Variants in ARR3 observed in about 807,000 individuals in gnomAD.
ARR3 encodes arrestin 3, also known as arrestin-C.
Under a neutral mutation model 35.4 loss-of-function variants are expected in ARR3, and 14 were observed. That is an observed-to-expected ratio of 0.40 (90% CI 0.26 to 0.62). The LOEUF (loss-of-function observed/expected upper bound fraction) is 0.62, where lower values mean the gene tolerates loss of function less well. Among genes scored for constraint, ARR3 ranks in the 20% least tolerant of loss-of-function variants. The pLI, the probability that ARR3 is intolerant of heterozygous loss-of-function variation, is 0.46. For missense variants in ARR3, 259 were observed against 303.8 expected (o/e 0.85, Z 1.10); for synonymous variants, 97 against 119.1 (o/e 0.81, Z 1.21).
chrX:70,275,934 C>T lies in ARR3; in HGVS notation c.146-148C>T. On this transcript the variant is annotated intron_variant, in intron 5 of 16. Coordinates refer to ENST00000307959, the MANE Select transcript of ARR3 (RefSeq NM_004312.3). ...CCTCGTGATCCACCCACCTCGGCCT[C>T]CCAAAGTGCTGGGATTACAGGCGTG... 8.4e-6 allele frequency: 5 copies of T among 595,968 alleles called. No individual in the cohort carries two copies. In the South Asian group the frequency reaches 1.4e-4, roughly 17 times the overall value. 49.1% of individuals were successfully genotyped at this position (595,968 alleles called of 1,213,427 possible).
Position 70,276,444 on chromosome X carries a change from C to A in ARR3, c.357C>A (p.Asn119Lys). Residue 119 changes from asparagine (N) to lysine (K), a missense_variant, in exon 7 of 17, where the codon AAC (asparagine) becomes AAA (lysine). Asn to Lys is a moderately conservative substitution (Grantham distance 94, BLOSUM62 0). Transcript: ENST00000307959. ...TTTTTGTCCCCTAGATGGTGACCAA[C>A]CTGCCCTGTTCTGTGACACTGCAGC... ...AYPFTLQMVT[N>K]LPCSVTLQPG... The A allele has an allele frequency of 1.7e-6, 2 of 1,211,692 alleles. No homozygotes were observed. Among genetic ancestry groups the A allele is most frequent in the Non-Finnish European group, 2.2e-6 (2 of 895,284 alleles).
At chrX:70,281,067 A>AT (rs780798500) in intron 15 of ARR3, 32 bp from the exon 16 acceptor site, 13 of 1,202,910 alleles carry the variant, frequency 1.1e-5, no homozygotes, top group South Asian at 3.6e-5. Context: ...CTTCAGCTCC[A>AT]TTTTTTCCCT....
At position 70,277,438 on chromosome X, in the gene ARR3, C is replaced by T. The variant is rs766517164; in HGVS notation, c.518C>T (p.Pro173Leu). 22 of 1,210,078 alleles carry T rather than the reference C, an allele frequency of 1.8e-5. No homozygotes were observed. The highest frequency in any genetic ancestry group is 8.7e-5 in the Admixed American group (4 of 45,814). ...GTCCGGAAAGTACAATTTGCACCAC[C>T]GGAGGCAGGCCCTGGCCCCTCAGCC... ...LVVRKVQFAPPEAGPGPSAQT... is the reference protein window; with the variant it reads ...LVVRKVQFAPLEAGPGPSAQT... Residue 173 changes from proline to leucine, a missense_variant, in exon 9 of 17, where the codon CCG becomes CTG. By Grantham distance (98) the Pro-to-Leu change is moderately conservative. Transcript: ENST00000307959.
chrX:70,280,501 A>G (rs1182320325), intron 13 of ARR3, 58 bp from the exon 14 acceptor site: 10 of 1,139,220 alleles, frequency 8.8e-6, no homozygotes, highest in Non-Finnish European at 1.2e-5. Context: ...CCCTTGTGAA[A>G]CTAGGTTGCC....
At chrX:70,279,078 A>G (rs1057115595) in intron 12 of ARR3, among the ~76,000 whole-genome samples, 1 of 112,635 alleles carries the variant, frequency 8.9e-6, no homozygotes, top group Non-Finnish European at 1.9e-5. Context: ...ACAGGATTAT[A>G]TCACATGTCA....
chrX:70,269,940 G>A (rs1475745932), intron 4 of ARR3, 37 bp downstream of exon 4: 5 of 1,196,477 alleles, frequency 4.2e-6, no homozygotes, highest in Non-Finnish European at 5.6e-6. Context: ...TGGGGAAAGA[G>A]GAATGGAAAC....
chrX:70,273,529 G>A (rs2085639206), intron 5 of ARR3, among the ~76,000 whole-genome samples: 1 of 111,774 alleles, frequency 8.9e-6, no homozygotes, highest in South Asian at 3.7e-4. Context: ...GCCTCCAAAG[G>A]GATTTCGAAT....
At chrX:70,269,776 T>G in intron 3 of ARR3, 67 bp from the exon 4 acceptor site, 1 of 1,191,266 alleles carries the variant, frequency 8.4e-7, no homozygotes, top group Non-Finnish European at 1.1e-6. Flanking sequence ...GGGTCTGGGT[T>G]GGGGGTTTCA....
intron 13 of ARR3, 44 bp downstream of exon 13, chrX:70,280,322 C>A: frequency 8.7e-7 from 1 of 1,146,674 alleles, no homozygotes; most frequent in Non-Finnish European, 1.2e-6. Context: ...GCTGAAGAGT[C>A]AAGGGCTTTT....
At chrX:70,269,327 T>C in intron 1 of ARR3, 29 bp from the exon 2 acceptor site, 1 of 1,193,766 alleles carries the variant, frequency 8.4e-7, no homozygotes, top group East Asian at 3.0e-5. Flanking sequence ...AATGAAATGA[T>C]TGAGCCTTTC....
At chrX:70,279,517 T>A (rs2085669573) in intron 12 of ARR3, among the ~76,000 whole-genome samples, 1 of 112,924 alleles carries the variant, frequency 8.9e-6, no homozygotes, top group Non-Finnish European at 1.9e-5. Context: ...TGAACCCCTA[T>A]TACATGCTCT....
intron 2 of ARR3, 69 bp downstream of exon 2, chrX:70,269,462 G>C: frequency 9.3e-7 from 1 of 1,070,187 alleles, no homozygotes; most frequent in Non-Finnish European, 1.3e-6. Context: ...TTTCCCTTTG[G>C]GGTAGGGGGA....
At position 70,280,597 on chromosome X, in the gene ARR3, G is replaced by A. The variant is rs371177291; in HGVS notation, c.1013+15G>A. The A allele has an allele frequency of 8.6e-4, 1,027 of 1,199,610 alleles. 7 individuals are homozygous for A. In the South Asian group the frequency reaches 0.018, roughly 21 times the overall value. On this transcript the variant is annotated intron_variant, in intron 14 of 16. Transcript: ENST00000307959. ...CTGACAGCCAGGTGAGAGACTGTGG[G>A]GTGGGGGAACTTGGGCAAGAAGAGG...
chrX:70,269,494 G>T (rs2085621034), intron 2 of ARR3, 101 bp downstream of exon 2: 2 of 996,819 alleles, frequency 2.0e-6, no homozygotes, highest in Middle Eastern at 2.6e-4. Flanking sequence ...TCCCTAACTT[G>T]TGTCCTTGGA....
chrX:70,273,285 G>A (rs367974021), intron 5 of ARR3, among the ~76,000 whole-genome samples: 69 of 93,619 alleles, frequency 7.4e-4, no homozygotes, highest in African/African-American at 2.7e-3. Flanking sequence ...GCAGTGGTGC[G>A]ATGTCAGCTC....
chrX:70,272,863 A>G (rs777774415), intron 5 of ARR3, among the ~76,000 whole-genome samples: 7 of 112,388 alleles, frequency 6.2e-5, no homozygotes, highest in African/African-American at 2.3e-4. Context: ...TTGAGTTCTT[A>G]AAAATACTAA....
intron 7 of ARR3, 21 bp downstream of exon 7, chrX:70,276,513 AAG>A: frequency 1.7e-6 from 2 of 1,205,304 alleles, no homozygotes; most frequent in Non-Finnish European, 2.2e-6. Context: ...GGTTCTAAGA[AAG>A]AGGGATAGGT....
intron 4 of ARR3, 81 bp downstream of exon 4, chrX:70,269,984 C>A: frequency 8.5e-7 from 1 of 1,170,486 alleles, no homozygotes; most frequent in South Asian, 1.8e-5. Context: ...AAAGACCGTG[C>A]AGAAAAGGAG....
At chrX:70,270,257 T>C in intron 5 of ARR3, 113 bp downstream of exon 5, 1 of 817,397 alleles carries the variant, frequency 1.2e-6, no homozygotes, top group Non-Finnish European at 1.8e-6. Context: ...ATGCCTTCTC[T>C]GGTGGAGGCT....
Sources: gnomAD v4.1 joint callset for allele counts (sites outside exome capture counted in the v4.1 genomes callset) on GRCh38, gnomAD v4.1.1 for gene constraint, MANE v1.5 for transcripts, NCBI Gene and HGNC (gene_info 2026-07-23, HGNC 2026-07-21) for gene names.